The following ZSCAN23 variants were observed in gnomAD, a reference collection of about 807,000 sequenced individuals.
ZSCAN23 encodes the protein zinc finger and SCAN domain containing 23.
Under a neutral mutation model 19.3 loss-of-function variants are expected in ZSCAN23, and 19 were observed. The observed-to-expected ratio is 0.99, with a 90% confidence interval of 0.69 to 1.45. The LOEUF is 1.45. ZSCAN23 is among the 40% of genes most tolerant of loss of function. The pLI is 0.00. For synonymous variants in ZSCAN23, 140 were observed against 166.2 expected, an observed-to-expected ratio of 0.84 and a Z score of 1.21; for missense variants, 372 against 462.5, an observed-to-expected ratio of 0.80 and a Z score of 1.79.
downstream of ZSCAN23, among the ~76,000 whole-genome samples, chr6:28,427,541 T>C (rs928293953): frequency 3.3e-5 from 5 of 152,176 alleles, no homozygotes; most frequent in African/African-American, 1.2e-4. Flanking sequence ...CGTTTCTGTA[T>C]TGAATATTGT....
intron 1 of ZSCAN23, among the ~76,000 whole-genome samples, chr6:28,441,727 T>C (rs966149549): frequency 6.6e-6 from 1 of 152,066 alleles, no homozygotes; most frequent in Admixed American, 6.5e-5. Flanking sequence ...TACTGGAATG[T>C]GTCCTTTTCT....
downstream of ZSCAN23, among the ~76,000 whole-genome samples, chr6:28,430,550 T>TC (rs900536944): frequency 3.3e-5 from 5 of 151,990 alleles, no homozygotes; most frequent in African/African-American, 1.2e-4. Context: ...ATAAATCAGG[T>TC]CCCCCCGAGT....
In ZSCAN23 at chr6:28,436,187, T is replaced by A; in HGVS notation, c.80A>T (p.Glu27Val). Reference sequence around the variant, plus strand: ...GCCTGATTCTGGCCCACAGGAATGTTCCTCCTCTTCCTCCTTTACCTTCAC... The same window carrying A: ...GCCTGATTCTGGCCCACAGGAATGTACCTCCTCTTCCTCCTTTACCTTCAC... Reference protein sequence around the residue: ...LAVKVKEEEEEHSCGPESGLS... With the variant: ...LAVKVKEEEEVHSCGPESGLS... Residue 27 changes from glutamate to valine, a missense_variant, in exon 2 of 4, where the codon GAA becomes GTA. Transcript: ENST00000289788. The A allele has an allele frequency of 6.4e-7, 1 of 1,555,046 alleles. No homozygotes were observed. Among genetic ancestry groups the A allele is most frequent in the Non-Finnish European group, 8.7e-7 (1 of 1,148,736 alleles).
downstream of ZSCAN23, among the ~76,000 whole-genome samples, chr6:28,427,648 T>C (rs1196120204): frequency 1.3e-5 from 2 of 152,236 alleles, no homozygotes; most frequent in Non-Finnish European, 2.9e-5. Flanking sequence ...CTTATGGAAC[T>C]ATTATTGTAC....
At chr6:28,440,070 C>G (rs185584274) in intron 1 of ZSCAN23, among the ~76,000 whole-genome samples, 34 of 152,254 alleles carry the variant, frequency 2.2e-4, no homozygotes, top group African/African-American at 7.7e-4. Context: ...AATGGTTGAA[C>G]AGACCTGAAG....
chr6:28,422,983 C>T, the ZSCAN23 span, among the ~76,000 whole-genome samples: 6 of 152,180 alleles, frequency 3.9e-5, no homozygotes, highest in Non-Finnish European at 2.9e-5. This position sits in a 1 kb window ranked among gnomAD's most constrained non-coding sequence, Gnocchi z 4.0. Flanking sequence ...TGGCTGGAGC[C>T]GGACTCCAGT....
chr6:28,434,548 A>G lies in ZSCAN23; in HGVS notation c.1087T>C (p.Cys363Arg), dbSNP rs1207227292. 3 of 1,553,684 alleles carry G rather than the reference A, an allele frequency of 1.9e-6. No homozygotes were observed. The South Asian group carries it at 3.6e-5, about 18-fold the overall frequency. Residue 363 changes from cysteine (C) to arginine (R), a missense_variant, in exon 4 of 4, where the codon TGT becomes CGT. Cys to Arg is a radical substitution (Grantham distance 180). Transcript: ENST00000289788. ...ATGAAGTTCTTGCCACATTCTTCAC[A>G]TTCATAAGGTCTCTCTCCAGTGTGA... ...RIHTGERPYECEECGKNFIYH... is the reference protein window; with the variant it reads ...RIHTGERPYEREECGKNFIYH...
chr6:28,426,639 A>G, the ZSCAN23 span, among the ~76,000 whole-genome samples: 10 of 152,254 alleles, frequency 6.6e-5, no homozygotes, highest in Admixed American at 6.5e-4. Flanking sequence ...TGTGCACATG[A>G]TGTTGGAAAA....
chr6:28,422,296 C>G, the ZSCAN23 span, among the ~76,000 whole-genome samples: 1 of 151,840 alleles, frequency 6.6e-6, no homozygotes, highest in South Asian at 2.1e-4. The surrounding 1 kb of genome is among the most constrained non-coding windows in gnomAD (Gnocchi z 4.0). Context: ...AAGAAAAAAG[C>G]AGCAATGTAA....
the ZSCAN23 span, among the ~76,000 whole-genome samples, chr6:28,425,392 A>G: frequency 6.6e-6 from 1 of 152,142 alleles, no homozygotes; most frequent in South Asian, 2.1e-4. Flanking sequence ...CAGTGGCACA[A>G]TCTTGGCTCA....
At chr6:28,439,449 A>G (rs1761959327) in intron 1 of ZSCAN23, among the ~76,000 whole-genome samples, 1 of 152,108 alleles carries the variant, frequency 6.6e-6, no homozygotes, top group South Asian at 2.1e-4. Flanking sequence ...TTTTTCTGTC[A>G]TAACTTTTCA....
At chr6:28,439,479 G>T (rs987493239) in intron 1 of ZSCAN23, among the ~76,000 whole-genome samples, 14 of 151,990 alleles carry the variant, frequency 9.2e-5, no homozygotes, top group African/African-American at 3.4e-4. Context: ...CATTCACTTG[G>T]CAGATATTTA....
intron 1 of ZSCAN23, among the ~76,000 whole-genome samples, chr6:28,439,775 G>C (rs1490738884): frequency 2.0e-5 from 3 of 152,130 alleles, no homozygotes; most frequent in Non-Finnish European, 4.4e-5. Flanking sequence ...AAAAGTTTAA[G>C]TTACTAGTCC....
chr6:28,435,688 AAAG>A lies in ZSCAN23; in HGVS notation c.409-84_409-82del, dbSNP rs1380011121. The A allele has an allele frequency of 5.8e-5, 85 of 1,463,172 alleles. No homozygotes were observed. The Middle Eastern group carries it at 8.9e-4, about 15-fold the overall frequency. 90.6% of individuals were successfully genotyped at this position (1,463,172 alleles called of 1,614,324 possible). On this transcript the variant is annotated intron_variant, in intron 2 of 3. Coordinates refer to ENST00000289788, the MANE Select transcript of ZSCAN23 (RefSeq NM_001012455.2). ...GGCCTCCTCAGGGCCGCTGGATAGAAAAGAAGGACCAAGAAGCTGGCAAAGAAA... is the reference window on the plus strand; with the variant it reads ...GGCCTCCTCAGGGCCGCTGGATAGAAAAGGACCAAGAAGCTGGCAAAGAAA...
chr6:28,439,236 G>A (rs1405333204), intron 1 of ZSCAN23, among the ~76,000 whole-genome samples: 3 of 151,826 alleles, frequency 2.0e-5, no homozygotes, highest in African/African-American at 7.3e-5. Flanking sequence ...ACAGGCACCC[G>A]CTACCATGCC....
downstream of ZSCAN23, among the ~76,000 whole-genome samples, chr6:28,427,479 C>CTATATAG (rs1761681179): frequency 6.6e-6 from 1 of 152,188 alleles, no homozygotes. Flanking sequence ...CTACTATACA[C>CTATATAG]CTAGGCTATA....
At chr6:28,435,722 G>A in intron 2 of ZSCAN23, 115 bp from the exon 3 acceptor site, 1 of 1,428,962 alleles carries the variant, frequency 7.0e-7, no homozygotes, top group Admixed American at 2.8e-5. Context: ...AGAAAAAACA[G>A]AGGCAGAGAG....
In ZSCAN23 at chr6:28,435,501, A is replaced by G. The variant is rs1471803340; in HGVS notation, c.515T>C (p.Leu172Pro). 16 of 1,551,828 alleles carry G rather than the reference A, an allele frequency of 1.0e-5. No individual in the cohort carries two copies. The highest frequency in any genetic ancestry group is 1.4e-5 in the African/African-American group (1 of 73,038). The part of the protein sequence containing the change: ...NDQFQTLEEQ[L>P]GYNLREVCPV... ...GCACACCTCTCGCAAATTATACCCA[A>G]GTTGCTCTTCCAAGGTTTGGAATTG... Residue 172 changes from leucine (L) to proline (P), a missense_variant, in exon 3 of 4, where the codon CTT (leucine) becomes CCT (proline). Physicochemically the swap from Leu to Pro is moderately conservative, Grantham distance 98. Coordinates refer to ENST00000289788, the MANE Select transcript of ZSCAN23 (RefSeq NM_001012455.2).
Position 28,433,303 on chromosome 6 carries a change from C to T in ZSCAN23, c.*1162G>A, listed in dbSNP as rs975105136. 2.0e-5 allele frequency: 3 copies of T among 152,100 alleles called. No homozygotes were observed. The highest frequency in any genetic ancestry group is 1.3e-4 in the Admixed American group (2 of 15,270). The allele number at this position is 152,100 out of a possible 1,614,324, so 9.4% of individuals were successfully genotyped here. A position where few individuals can be genotyped will look rare whatever the true frequency, so the allele number is the denominator to read the frequency against. On this transcript the variant is annotated 3_prime_UTR_variant, in exon 4 of 4. Coordinates refer to ENST00000289788, the MANE Select transcript of ZSCAN23 (RefSeq NM_001012455.2). ...GTAGGAGACAGGGTTCTAGTTCCAGCTCTGCTTTTAACTGGCTGTATGATC... is the reference window on the plus strand; with the variant it reads ...GTAGGAGACAGGGTTCTAGTTCCAGTTCTGCTTTTAACTGGCTGTATGATC...
Sources: gnomAD v4.1 joint callset for allele counts (sites outside exome capture counted in the v4.1 genomes callset) on GRCh38, gnomAD v4.1.1 for gene constraint, Gnocchi (gnomAD v3.1) non-coding constraint, MANE v1.5 for transcripts, NCBI Gene and HGNC (gene_info 2026-07-23, HGNC 2026-07-21) for gene names.